The following ACSM2A variants were observed in gnomAD, a reference collection of about 807,000 sequenced individuals.
The protein encoded by ACSM2A is acyl-coenzyme A synthetase ACSM2A, mitochondrial.
ACSM2A carries 72 observed loss-of-function variants against 76.6 expected under a neutral mutation model. The ratio of observed to expected loss-of-function variants is 0.94; its 90% confidence interval spans 0.78 to 1.14. The LOEUF is 1.14. Among genes scored for constraint, ACSM2A ranks in the 50% most tolerant of loss-of-function variants. ACSM2A has a pLI of 0.00. For missense variants in ACSM2A, 684 were observed against 708.5 expected, an observed-to-expected ratio of 0.97 and a Z score of 0.39; for synonymous variants, 249 against 255.9, an observed-to-expected ratio of 0.97 and a Z score of 0.26.
chr16:20,483,329 G>C (rs1251125627), intron 13 of ACSM2A, 152 bp downstream of exon 13: 1 of 1,299,828 alleles, frequency 7.7e-7, no homozygotes, highest in Non-Finnish European at 1.0e-6. Flanking sequence ...CAGCACTTTG[G>C]GAGGCTGAGG....
rs7194525 is a variant in ACSM2A at position 20,476,068 on chromosome 16, C to G, written c.1098+295C>G. ...GCGATGGAAAAAGTAAAGTAGATGA[C>G]ATGGGGTGAGAAGTTGGTAAATCAG... On this transcript the variant is annotated intron_variant, in intron 8 of 13. Transcript: ENST00000573854. 8,258 of 1,055,088 alleles carry G rather than the reference C, an allele frequency of 7.8e-3. 458 individuals carry two copies. The African/African-American group carries it at 0.12, about 15-fold the overall frequency. The allele number at this position is 1,055,088 out of a possible 1,614,324, so 65.4% of individuals were successfully genotyped here.
intron 1 of ACSM2A, among the ~76,000 whole-genome samples, chr16:20,458,630 TC>T (rs2012359934): frequency 7.0e-6 from 1 of 143,006 alleles, no homozygotes. Flanking sequence ...TTTGCCACAC[TC>T]CTGTGCCTTT....
intron 13 of ACSM2A, among the ~76,000 whole-genome samples, chr16:20,485,068 C>T (rs1283809921): frequency 1.3e-5 from 2 of 152,156 alleles, no homozygotes; most frequent in African/African-American, 4.8e-5. Flanking sequence ...GAGAATAATG[C>T]TGTTACCCCT....
At chr16:20,480,099 C>T (rs4566152) in intron 10 of ACSM2A, among the ~76,000 whole-genome samples, 200 of 152,298 alleles carry the variant, frequency 1.3e-3, no homozygotes, top group African/African-American at 4.5e-3. Flanking sequence ...GCTGAATAGA[C>T]GGACCCAGCT....
intron 13 of ACSM2A, among the ~76,000 whole-genome samples, chr16:20,485,804 G>T (rs996265884): frequency 6.6e-6 from 1 of 152,086 alleles, no homozygotes; most frequent in Non-Finnish European, 1.5e-5. Flanking sequence ...GTTAATAAAG[G>T]GTTAATTTTT....
chr16:20,458,500 A>G (rs2012344725), intron 1 of ACSM2A, among the ~76,000 whole-genome samples: 1 of 145,586 alleles, frequency 6.9e-6, no homozygotes, highest in Non-Finnish European at 1.5e-5. Flanking sequence ...AATACATAAT[A>G]TTACATTATA....
Position 20,475,415 on chromosome 16 carries a change from G to C in ACSM2A, c.948G>C (p.Arg316=). Reference sequence around the variant, plus strand: ...TGATGGGTGCCCCCATTGTTTACCGGATGTTGCTACAGCAGGATCTTTCCA... The same window carrying C: ...TGATGGGTGCCCCCATTGTTTACCGCATGTTGCTACAGCAGGATCTTTCCA... ...KSMMGAPIVY[R]MLLQQDLSSY... The change falls in exon 7 of 14, where the codon CGG becomes CGC. Residue 316 remains arginine (R), a synonymous_variant. Coordinates refer to ENST00000573854, the MANE Select transcript of ACSM2A (RefSeq NM_001308172.2). 1 of 1,613,776 alleles carries C rather than the reference G, an allele frequency of 6.2e-7. No homozygotes were observed. The highest frequency in any genetic ancestry group is 8.5e-7 in the Non-Finnish European group (1 of 1,179,756).
At chr16:20,478,765 C>G (rs1596673351) in intron 10 of ACSM2A, 88 bp downstream of exon 10, 2 of 1,453,010 alleles carry the variant, frequency 1.4e-6, no homozygotes, top group African/African-American at 2.8e-5. Context: ...CTGAAACTTC[C>G]AAGAGGCACT....
chr16:20,466,095 C>G (rs1047778729), intron 3 of ACSM2A, among the ~76,000 whole-genome samples: 8 of 151,684 alleles, frequency 5.3e-5, no homozygotes, highest in African/African-American at 1.7e-4. Context: ...AAATCCTGCC[C>G]AAAGCTTGTT....
At chr16:20,474,420 T>A (rs1458787485) in intron 6 of ACSM2A, among the ~76,000 whole-genome samples, 1 of 152,078 alleles carries the variant, frequency 6.6e-6, no homozygotes, top group Non-Finnish European at 1.5e-5. Context: ...CCCTTTACAA[T>A]GTGATGCCCC....
At chr16:20,461,925 G>A (rs1339937070) in intron 2 of ACSM2A, among the ~76,000 whole-genome samples, 2 of 152,114 alleles carry the variant, frequency 1.3e-5, no homozygotes, top group Non-Finnish European at 2.9e-5. Context: ...GAGGGCAGGG[G>A]GCTAAGGAAT....
In ACSM2A at chr16:20,486,825, T is replaced by C; in HGVS notation, c.*147T>C. 4 of 955,706 alleles carry C rather than the reference T, an allele frequency of 4.2e-6. No individual in the cohort carries two copies. Among genetic ancestry groups the C allele is most frequent in the Non-Finnish European group, 6.4e-6 (4 of 629,446 alleles). 59.2% of individuals were successfully genotyped at this position (955,706 alleles called of 1,614,324 possible). A position where few individuals can be genotyped will look rare whatever the true frequency, so the allele number is the denominator to read the frequency against. On this transcript the variant is annotated 3_prime_UTR_variant, in exon 14 of 14. Transcript: ENST00000573854. ...TTGCCTTGGTTATTAGCACAAAACT[T>C]TACCATGTTAGATGTTGAAAGAAGA...
At chr16:20,458,927 T>TGC (rs1194777238) in intron 1 of ACSM2A, among the ~76,000 whole-genome samples, 2 of 63,356 alleles carry the variant, frequency 3.2e-5, no homozygotes, top group African/African-American at 1.6e-4. Context: ...TATATATATA[T>TGC]ATATACATAT....
intron 4 of ACSM2A, 151 bp from the exon 5 acceptor site, chr16:20,470,922 C>T (rs1349132065): frequency 2.5e-6 from 3 of 1,197,436 alleles, no homozygotes; most frequent in Non-Finnish European, 3.6e-6. Flanking sequence ...GACTCAGACT[C>T]CCATGATCTT....
In ACSM2A at chr16:20,486,591, C is replaced by A; in HGVS notation, c.1647C>A (p.Asn549Lys). The change falls in exon 14 of 14, where the codon AAC becomes AAA. Residue 549 changes from asparagine (N) to lysine (K), a missense_variant. By Grantham distance (94) the Asn-to-Lys change is moderately conservative (BLOSUM62 0). Coordinates refer to ENST00000573854, the MANE Select transcript of ACSM2A (RefSeq NM_001308172.2). ...TTCAACAGATAGAGTTTGTCTTGAACCTGCCCAAGACTGTCACAGGGAAAA... is the reference window on the plus strand; with the variant it reads ...TTCAACAGATAGAGTTTGTCTTGAAACTGCCCAAGACTGTCACAGGGAAAA... ...KYPRKIEFVL[N>K]LPKTVTGKIQ... 1 of 1,614,154 alleles carries A rather than the reference C, an allele frequency of 6.2e-7. No individual in the cohort carries two copies.
At position 20,452,524 on chromosome 16, in the gene ACSM2A, CACAT is replaced by C. The variant is rs2011830792; in HGVS notation, c.-9+849_-9+852del. On this transcript the variant is annotated intron_variant, in intron 1 of 13. Transcript: ENST00000573854. ...ATACAGTTGTGTATATATATATACA[CACAT>C]ACATATGTTAATACTTAGTAAACTC... is the stretch of plus-strand genomic sequence containing the variant. 2.4e-5 allele frequency: 3 copies of C among 126,154 alleles called. 1 individual carries two copies. The highest frequency in any genetic ancestry group is 4.8e-5 in the Non-Finnish European group (3 of 62,122). The allele number at this position is 126,154 out of a possible 1,614,324, so 7.8% of individuals were successfully genotyped here.
At chr16:20,475,855 C>G in intron 8 of ACSM2A, 82 bp downstream of exon 8, 1 of 1,592,232 alleles carries the variant, frequency 6.3e-7, no homozygotes, top group Non-Finnish European at 8.5e-7. Context: ...TTGTTAGCCA[C>G]CATGTATCAT....
In ACSM2A at chr16:20,471,572, C is replaced by A. The variant is rs1347720231; in HGVS notation, c.777C>A (p.Thr259=). The change falls in exon 6 of 14, where the codon ACC becomes ACA. Residue 259 remains threonine, a synonymous_variant. Transcript: ENST00000573854. The part of the protein sequence containing the change: ...TGLQASDIMW[T]ISDTGWILNI... ...TGCAAGCCTCTGATATAATGTGGAC[C>A]ATATCAGACACAGGTTGGATACTGA... The A allele has an allele frequency of 6.2e-7, 1 of 1,613,896 alleles. No homozygotes were observed. Among genetic ancestry groups the A allele is most frequent in the Non-Finnish European group, 8.5e-7 (1 of 1,179,890 alleles).
intron 1 of ACSM2A, among the ~76,000 whole-genome samples, chr16:20,458,576 T>C (rs1596640686): frequency 6.9e-6 from 1 of 144,458 alleles, no homozygotes; most frequent in South Asian, 2.1e-4. Flanking sequence ...AATATATCCA[T>C]ATAATATAGT....
Sources: allele counts gnomAD v4.1 joint callset (sites outside exome capture counted in the v4.1 genomes callset), GRCh38; gene constraint gnomAD v4.1.1; transcripts MANE v1.5; gene names NCBI Gene and HGNC (gene_info 2026-07-23, HGNC 2026-07-21).